Variants in MARCHF10 observed in about 807,000 individuals in gnomAD.
MARCHF10 encodes probable E3 ubiquitin-protein ligase MARCHF10.
In MARCHF10, 64 loss-of-function variants were observed where a neutral mutation model predicts 76.2. The observed-to-expected ratio is 0.84, with a 90% CI of 0.69 to 1.03. The LOEUF is 1.03. MARCHF10 is among the 50% of genes least tolerant of loss of function. The probability of loss-of-function intolerance (pLI) is 0.00; values close to 1 mark genes in which losing one functional copy is unlikely to be tolerated. For synonymous variants in MARCHF10, 340 were observed against 357.5 expected (o/e 0.95, Z 0.55); for missense variants, 875 against 958.0 (o/e 0.91, Z 1.14).
chr17:62,788,416 C>T, intron 3 of MARCHF10, 64 bp downstream of exon 3: 3 of 1,599,472 alleles, frequency 1.9e-6, no homozygotes, highest in Non-Finnish European at 2.6e-6. Flanking sequence ...CACACACACA[C>T]ACACACCACC....
rs565625507 is a variant in MARCHF10, at chr17:62,767,107, A to T, written c.211-7101T>A. Among the ~76,000 whole-genome samples the T allele has an allele frequency of 3.3e-5, 5 of 152,242 alleles. No homozygotes were observed. In the South Asian group the frequency reaches 1.0e-3, roughly 32 times the overall value. ...CAGGTGGCTTGAGCATGGGGTGAGG[A>T]GGAGGGTGTGGGCCAGATTGTGGGG... On this transcript the variant is annotated intron_variant, in intron 3 of 10. Coordinates refer to ENST00000311269, the MANE Select transcript of MARCHF10 (RefSeq NM_152598.4).
At position 62,791,188 on chromosome 17, in the gene MARCHF10, G is replaced by A. The variant is rs184550378; in HGVS notation, c.91-2589C>T. The stretch of plus-strand genomic sequence containing the variant: ...AAGGGAGTCGGCTGGAAAGTGTAAC[G>A]AAGTTCAGCTAAACGTGTGCCTTTG... On this transcript the variant is annotated intron_variant, in intron 2 of 10. Coordinates refer to ENST00000311269, the MANE Select transcript of MARCHF10 (RefSeq NM_152598.4). Among the ~76,000 whole-genome samples, 1,457 of 152,308 alleles carry A rather than the reference G, an allele frequency of 9.6e-3. 13 individuals carry two copies. Among genetic ancestry groups the A allele is most frequent in the Middle Eastern group, 0.017 (5 of 294 alleles).
intron 4 of MARCHF10, chr17:62,746,915 C>T (rs1236025051): frequency 6.5e-7 from 1 of 1,536,054 alleles, no homozygotes; most frequent in Non-Finnish European, 8.7e-7. Context: ...CCCCAGACTG[C>T]ACCAGCCAGA....
At chr17:62,746,995 T>C in intron 4 of MARCHF10, 2 of 1,523,842 alleles carry the variant, frequency 1.3e-6, no homozygotes, top group Non-Finnish European at 1.8e-6. Context: ...AAAAAACCCT[T>C]ACTTTCAGCG....
chr17:62,745,238 G>A (rs1191198870), intron 4 of MARCHF10, among the ~76,000 whole-genome samples: 1 of 151,532 alleles, frequency 6.6e-6, no homozygotes, highest in Non-Finnish European at 1.5e-5. Context: ...TCAGTAGCTG[G>A]GATTATAGGT....
At chr17:62,803,837 C>T (rs1188634569) in intron 1 of MARCHF10, among the ~76,000 whole-genome samples, 1 of 152,140 alleles carries the variant, frequency 6.6e-6, no homozygotes, top group Non-Finnish European at 1.5e-5. Flanking sequence ...TTTACCGACC[C>T]TCTGGAAGGG....
At chr17:62,742,264 C>T (rs1362897355) in intron 5 of MARCHF10, among the ~76,000 whole-genome samples, 1 of 152,054 alleles carries the variant, frequency 6.6e-6, no homozygotes, top group Non-Finnish European at 1.5e-5. Flanking sequence ...AAATGATCCG[C>T]CCACCTCAGC....
In MARCHF10 at chr17:62,712,727, G is replaced by C. The variant is rs1225280059; in HGVS notation, c.2215-1383C>G. Among the ~76,000 whole-genome samples, 2 of 152,084 alleles carry C rather than the reference G, an allele frequency of 1.3e-5. No individual in the cohort carries two copies. The highest frequency in any genetic ancestry group is 4.8e-5 in the African/African-American group (2 of 41,388). On this transcript the variant is annotated intron_variant, in intron 8 of 10. Coordinates refer to ENST00000311269, the MANE Select transcript of MARCHF10 (RefSeq NM_152598.4). This position sits in a 1 kb window ranked among gnomAD's most constrained non-coding sequence, Gnocchi z 4.2. ...AGAGTGAGTAGAGAAGAAGTTGCTT[G>C]TTTGCATTATTTCTGTTTTATTTAT...
intron 1 of MARCHF10, among the ~76,000 whole-genome samples, chr17:62,805,349 G>A (rs2093146869): frequency 6.6e-6 from 1 of 152,120 alleles, no homozygotes; most frequent in African/African-American, 2.4e-5. Flanking sequence ...TGCTACTGTG[G>A]GAAAGAGAAG....
chr17:62,793,131 AACCATCACC>A (rs1217312103), intron 2 of MARCHF10, among the ~76,000 whole-genome samples: 7 of 80,846 alleles, frequency 8.7e-5, no homozygotes, highest in African/African-American at 3.1e-4. Flanking sequence ...CTATCACCAC[AACCATCACC>A]ACCATCACCA....
chr17:62,806,369 T>C (rs1184094574), intron 1 of MARCHF10: 9 of 152,196 alleles, frequency 5.9e-5, no homozygotes, highest in African/African-American at 1.9e-4. Context: ...GGGGTGATAA[T>C]AAAATGTGAG....
At chr17:62,762,488 C>T (rs1048103399) in intron 3 of MARCHF10, among the ~76,000 whole-genome samples, 2 of 152,180 alleles carry the variant, frequency 1.3e-5, no homozygotes, top group African/African-American at 2.4e-5. Flanking sequence ...AAATAAATCA[C>T]GTCCACCTTT....
At chr17:62,789,560 C>T (rs1057360022) in intron 2 of MARCHF10, among the ~76,000 whole-genome samples, 3 of 152,116 alleles carry the variant, frequency 2.0e-5, no homozygotes, top group African/African-American at 7.2e-5. Flanking sequence ...GAGCCTGTTT[C>T]TCCTGCTGAT....
At chr17:62,740,258 C>G (rs2091459350) in intron 5 of MARCHF10, among the ~76,000 whole-genome samples, 2 of 152,154 alleles carry the variant, frequency 1.3e-5, no homozygotes, top group Non-Finnish European at 2.9e-5. Flanking sequence ...CCAGGCCCTG[C>G]AGATGCTGCA....
intron 3 of MARCHF10, among the ~76,000 whole-genome samples, chr17:62,783,439 G>A (rs965170509): frequency 2.0e-5 from 3 of 151,832 alleles, no homozygotes; most frequent in South Asian, 2.1e-4. Context: ...ATCTAAAATC[G>A]ACACCCTAAC....
intron 2 of MARCHF10, among the ~76,000 whole-genome samples, chr17:62,798,266 T>C (rs1442342346): frequency 6.6e-6 from 1 of 151,026 alleles, no homozygotes; most frequent in Non-Finnish European, 1.5e-5. Context: ...GAAGAGTACA[T>C]AGAAAAGAAA....
chr17:62,731,377 T>A (rs1183349230), intron 6 of MARCHF10, among the ~76,000 whole-genome samples: 2 of 152,080 alleles, frequency 1.3e-5, no homozygotes, highest in South Asian at 4.1e-4. Flanking sequence ...ATTCTCCCAC[T>A]TCAGCCTCCC....
At chr17:62,772,380 A>G (rs1018049917) in intron 3 of MARCHF10, among the ~76,000 whole-genome samples, 5 of 152,216 alleles carry the variant, frequency 3.3e-5, no homozygotes, top group African/African-American at 7.2e-5. Flanking sequence ...CTGTGAGTCC[A>G]TTAAACCTCT....
At chr17:62,734,568 A>G (rs2091179634) in intron 6 of MARCHF10, among the ~76,000 whole-genome samples, 1 of 152,246 alleles carries the variant, frequency 6.6e-6, no homozygotes, top group South Asian at 2.1e-4. Flanking sequence ...GGAAAATAAT[A>G]TCAACAGATA....
Sources: gnomAD v4.1 joint callset for allele counts (sites outside exome capture counted in the v4.1 genomes callset) on GRCh38, gnomAD v4.1.1 for gene constraint, Gnocchi (gnomAD v3.1) non-coding constraint, MANE v1.5 for transcripts, NCBI Gene and HGNC (gene_info 2026-07-23, HGNC 2026-07-21) for gene names.